CDH15: variants seen among roughly 807,000 people sequenced by gnomAD.
The protein encoded by CDH15 is cadherin 15, also known as cadherin-15.
A neutral mutation model predicts 69.4 loss-of-function variants in CDH15; 73 were observed. The ratio of observed to expected loss-of-function variants is 1.05; its 90% confidence interval spans 0.87 to 1.28. The LOEUF (loss-of-function observed/expected upper bound fraction) is 1.28, where lower values mean the gene tolerates loss of function less well. Ranked by LOEUF, CDH15 falls within the 50% of genes most tolerant of loss-of-function variation. The pLI, the probability that CDH15 is intolerant of heterozygous loss-of-function variation, is 0.00. For missense variants in CDH15, 1,343 were observed against 1,133.6 expected, an observed-to-expected ratio of 1.18 and a Z score of -2.65; for synonymous variants, 624 against 507.7, an observed-to-expected ratio of 1.23 and a Z score of -3.08.
intron 9 of CDH15, 22 bp from the exon 10 acceptor site, chr16:89,191,633 G>T: frequency 6.4e-7 from 1 of 1,571,334 alleles, no homozygotes. Context: ...GGGTCACTAA[G>T]CCGCGGCCTC....
Position 89,195,360 on chromosome 16 carries a change from C to G in CDH15, c.*205C>G. ...CTTCCTGCCGGGGTGGGAAGAGTTT[C>G]TCTCCATCGGCCCCATGCGGGTCAC... is the stretch of plus-strand genomic sequence containing the variant. On this transcript the variant is annotated 3_prime_UTR_variant, in exon 14 of 14. Coordinates refer to ENST00000289746, the MANE Select transcript of CDH15 (RefSeq NM_004933.3). 1.7e-6 allele frequency: 1 copy of G among 597,798 alleles called. No homozygotes were observed. Among genetic ancestry groups the G allele is most frequent in the South Asian group, 2.3e-5 (1 of 44,292 alleles). The allele number at this position is 597,798 out of a possible 1,614,324, so 37.0% of individuals were successfully genotyped here. A position where few individuals can be genotyped will look rare whatever the true frequency, so the allele number is the denominator to read the frequency against.
intron 10 of CDH15, 70 bp from the exon 11 acceptor site, chr16:89,192,135 G>C: frequency 1.4e-6 from 2 of 1,466,942 alleles, no homozygotes; most frequent in Non-Finnish European, 1.8e-6. Context: ...ACCCTGTCTC[G>C]GCGCGAGGAG....
chr16:89,188,291 C>G lies in CDH15; in HGVS notation c.978+6C>G. ...GTGTTCTGTCCATTGTGAAGGTGAG[C>G]GGCCCCCGGCTGGCACACAGATGCC... On this transcript the variant is annotated splice_donor_region_variant and intron_variant, in intron 7 of 13. Coordinates refer to ENST00000289746, the MANE Select transcript of CDH15 (RefSeq NM_004933.3). The G allele has an allele frequency of 6.2e-7, 1 of 1,611,774 alleles. No individual in the cohort carries two copies. Among genetic ancestry groups the G allele is most frequent in the Non-Finnish European group, 8.5e-7 (1 of 1,179,208 alleles).
chr16:89,183,635 C>T lies in CDH15; in HGVS notation c.445C>T (p.Arg149Trp), dbSNP rs200102166. The T allele has an allele frequency of 3.7e-5, 59 of 1,613,714 alleles. No homozygotes were observed. The highest frequency in any genetic ancestry group is 1.6e-4 in the South Asian group (15 of 90,986). ...TGTAGTTGTGGATCAGAATGACAAC[C>T]GGCCAGCCTTCCTGCAGGAGGCGTT... ...EIVVVDQNDNRPAFLQEAFTG... is the reference protein window; with the variant it reads ...EIVVVDQNDNWPAFLQEAFTG... Residue 149 changes from arginine (R) to tryptophan (W), a missense_variant, in exon 4 of 14, where the codon CGG (arginine) becomes TGG (tryptophan). Coordinates refer to ENST00000289746, the MANE Select transcript of CDH15 (RefSeq NM_004933.3).
rs532089995 is a variant in CDH15, at chr16:89,180,852, T to G, written c.357+497T>G. On this transcript the variant is annotated intron_variant, in intron 3 of 13. Transcript: ENST00000289746. ...CATTCTCCTGCCTCAGCCTCCCGAGTAGCTGGGACTACAGGCCCCTGCCAC... is the reference window on the plus strand; with the variant it reads ...CATTCTCCTGCCTCAGCCTCCCGAGGAGCTGGGACTACAGGCCCCTGCCAC... 3.5e-3 allele frequency among the ~76,000 whole-genome samples: 536 copies of G among 151,934 alleles called. 5 individuals are homozygous for G. Among genetic ancestry groups the G allele is most frequent in the African/African-American group, 0.013 (518 of 41,396 alleles).
rs552527267 is a variant in CDH15, at chr16:89,173,868, C to T, written c.42+1995C>T. 4.0e-3 allele frequency among the ~76,000 whole-genome samples: 607 copies of T among 152,358 alleles called. 1 individual carries two copies. The highest frequency in any genetic ancestry group is 7.0e-3 in the Non-Finnish European group (479 of 68,026). Reference sequence around the variant, plus strand: ...TAGTTGCTGGTTCTACACCTGGGACCCCACCCCAGCTGGGAGGCGGCTGAG... The same window carrying T: ...TAGTTGCTGGTTCTACACCTGGGACTCCACCCCAGCTGGGAGGCGGCTGAG... On this transcript the variant is annotated intron_variant, in intron 1 of 13. Coordinates refer to ENST00000289746, the MANE Select transcript of CDH15 (RefSeq NM_004933.3).
At chr16:89,173,112 C>A (rs1440404536) in intron 1 of CDH15, among the ~76,000 whole-genome samples, 1 of 152,166 alleles carries the variant, frequency 6.6e-6, no homozygotes, top group Non-Finnish European at 1.5e-5. Flanking sequence ...ACCCCCGACT[C>A]CCCCATCTGG....
intron 11 of CDH15, 85 bp downstream of exon 11, chr16:89,192,529 C>T (rs1915675831): frequency 6.7e-7 from 1 of 1,484,630 alleles, no homozygotes; most frequent in Non-Finnish European, 9.1e-7. Flanking sequence ...AGCCACGCCG[C>T]TTCCTCCCCA....
chr16:89,180,709 C>A (rs1296681193), intron 3 of CDH15, among the ~76,000 whole-genome samples: 6 of 152,212 alleles, frequency 3.9e-5, no homozygotes, highest in African/African-American at 1.4e-4. Flanking sequence ...CGTGAAGAAT[C>A]TCTAAATAGT....
rs375379142 is a variant in CDH15 at position 89,171,884 on chromosome 16, G to C, written c.42+11G>C. On this transcript the variant is annotated intron_variant, in intron 1 of 13. Transcript: ENST00000289746. ...GGGCTGTTGGCCCAGGTAAGGCATC[G>C]GCACCTGCGGGGGTCCCCGCTGCCT... The C allele has an allele frequency of 6.4e-7, 1 of 1,552,592 alleles. No individual in the cohort carries two copies. The highest frequency in any genetic ancestry group is 1.4e-5 in the African/African-American group (1 of 73,552).
chr16:89,188,908 A>ATGCCCACACACAGG (rs1327478661), intron 7 of CDH15, among the ~76,000 whole-genome samples: 2 of 136,802 alleles, frequency 1.5e-5, no homozygotes, highest in Non-Finnish European at 3.1e-5. Flanking sequence ...CCACACACAC[A>ATGCCCACACACAGG]TGCCCACACA....
In CDH15 at chr16:89,180,275, G is replaced by C; in HGVS notation, c.277G>C (p.Gly93Arg). The C allele has an allele frequency of 6.2e-7, 1 of 1,610,608 alleles. No individual in the cohort carries two copies. Among genetic ancestry groups the C allele is most frequent in the Non-Finnish European group, 8.5e-7 (1 of 1,178,684 alleles). ...ACCCGGCGTGGATGAGGAGCCCCGG[G>C]GCGTCTTCTCTATCGACAAGTTCAC... ...QGPGVDEEPR[G>R]VFSIDKFTGK... is the part of the protein sequence containing the mutation. The change falls in exon 3 of 14, where the codon GGC (glycine) becomes CGC (arginine). Residue 93 changes from glycine (G) to arginine (R), a missense_variant. Transcript: ENST00000289746.
chr16:89,194,822 G>A (rs768276887), intron 13 of CDH15, 40 bp from the exon 14 acceptor site: 3 of 1,567,986 alleles, frequency 1.9e-6, no homozygotes, highest in African/African-American at 2.7e-5. Flanking sequence ...GCACCCGCTG[G>A]CCCCTCCATG....
intron 8 of CDH15, among the ~76,000 whole-genome samples, chr16:89,190,883 T>G (rs1915624316): frequency 2.0e-5 from 3 of 151,940 alleles, no homozygotes; most frequent in Admixed American, 2.0e-4. Context: ...TGCCACACAA[T>G]TGTCTCAGCG....
intron 4 of CDH15, among the ~76,000 whole-genome samples, chr16:89,184,539 A>ACCCAGAG (rs1292584449): frequency 1.4e-4 from 22 of 152,300 alleles, no homozygotes; most frequent in Admixed American, 1.3e-4. Flanking sequence ...TCTGGCCTAC[A>ACCCAGAG]CAGTCACAGT....
At position 89,191,367 on chromosome 16, in the gene CDH15, G is replaced by A. The variant is rs772644150; in HGVS notation, c.1270G>A (p.Val424Met). The change falls in exon 9 of 14, where the codon GTG (valine) becomes ATG (methionine). Residue 424 changes from valine to methionine, a missense_variant. By Grantham distance (21) the Val-to-Met change is conservative. Coordinates refer to ENST00000289746, the MANE Select transcript of CDH15 (RefSeq NM_004933.3). Reference protein sequence around the residue: ...KDYDPEDWLQVDAATGRIQTQ... With the variant: ...KDYDPEDWLQMDAATGRIQTQ... ...CTACGACCCGGAAGACTGGCTGCAA[G>A]TGGACGCAGCCACTGGCCGGATCCA... 1 of 1,612,448 alleles carries A rather than the reference G, an allele frequency of 6.2e-7. No homozygotes were observed. Among genetic ancestry groups the A allele is most frequent in the Non-Finnish European group, 8.5e-7 (1 of 1,179,918 alleles).
In CDH15 at chr16:89,183,605, G is replaced by T; in HGVS notation, c.415G>T (p.Glu139Ter). 1 of 1,614,170 alleles carries T rather than the reference G, an allele frequency of 6.2e-7. No individual in the cohort carries two copies. The highest frequency in any genetic ancestry group is 1.3e-5 in the African/African-American group (1 of 75,062). Residue 139 changes from glutamate to a stop codon, truncating the protein, a stop_gained, in exon 4 of 14, where the codon GAG becomes TAG. Transcript: ENST00000289746. LOFTEE classifies it high-confidence loss of function. Reference protein sequence around the residue: ...GSTLEDPTDLEIVVVDQNDNR... With the variant: ...GSTLEDPTDL ...CACCCTGGAGGACCCCACGGACCTG[G>T]AGATTGTAGTTGTGGATCAGAATGA...
intron 1 of CDH15, among the ~76,000 whole-genome samples, chr16:89,174,521 G>A (rs1034389655): frequency 4.6e-5 from 7 of 152,244 alleles, no homozygotes; most frequent in African/African-American, 1.7e-4. Context: ...TTTGTAGACT[G>A]CAGCAAGCGC....
chr16:89,180,454 C>A, intron 3 of CDH15, 99 bp downstream of exon 3: 1 of 1,356,508 alleles, frequency 7.4e-7, no homozygotes, highest in Non-Finnish European at 1.0e-6. Context: ...GCTCGGTGGG[C>A]TTCAGGCCAG....
Sources: gnomAD v4.1 joint callset for allele counts (sites outside exome capture counted in the v4.1 genomes callset) on GRCh38, gnomAD v4.1.1 for gene constraint, MANE v1.5 for transcripts, NCBI Gene and HGNC (gene_info 2026-07-23, HGNC 2026-07-21) for gene names.